Variants in POTEE observed in about 807,000 individuals in gnomAD.
POTEE encodes ANKRD26-like family C member 1A.
POTEE carries 21 observed loss-of-function variants against 74.2 expected under a neutral mutation model. The observed-to-expected ratio is 0.28, with a 90% CI of 0.20 to 0.41. POTEE has a LOEUF of 0.41. Among genes scored for constraint, POTEE ranks in the 10% least tolerant of loss-of-function variants. The pLI, the probability that POTEE is intolerant of heterozygous loss-of-function variation, is 1.00. For missense variants in POTEE, 525 were observed against 1,158.6 expected (o/e 0.45, Z 7.94); for synonymous variants, 211 against 432.8 (o/e 0.49, Z 6.36).
chr2:131,224,172 T>G, intron 6 of POTEE, 129 bp downstream of exon 6: 1 of 1,332,498 alleles, frequency 7.5e-7, no homozygotes, highest in Admixed American at 2.6e-5. Context: ...TGAAATGACC[T>G]AATTATCTAA....
At chr2:131,216,230 A>G (rs1189804329) in intron 2 of POTEE, among the ~76,000 whole-genome samples, 1 of 151,646 alleles carries the variant, frequency 6.6e-6, no homozygotes, top group Non-Finnish European at 1.5e-5. Context: ...TGTCAACTGA[A>G]AAAATTAATA....
rs753827162 is a variant in POTEE at position 131,263,970 on chromosome 2, G to A, written c.2515G>A (p.Val839Met). 46 of 1,614,058 alleles carry A rather than the reference G, an allele frequency of 2.8e-5. No homozygotes were observed. Among genetic ancestry groups the A allele is most frequent in the East Asian group, 2.2e-4 (10 of 44,872 alleles). Residue 839 changes from valine (V) to methionine (M), a missense_variant, in exon 18 of 18, where the codon GTG becomes ATG. Physicochemically the swap from Val to Met is conservative, Grantham distance 21 (BLOSUM62 1). Coordinates refer to ENST00000683005, the MANE Select transcript of POTEE (RefSeq NM_001083538.3). ...TPAMYVAIQA[V>M]PSLYTSGRTT... ...AGCCATGTACGTGGCCATCCAGGCCGTGCCGTCCCTGTACACCTCTGGCCG... is the reference window on the plus strand; with the variant it reads ...AGCCATGTACGTGGCCATCCAGGCCATGCCGTCCCTGTACACCTCTGGCCG...
intron 8 of POTEE, 33 bp from the exon 9 acceptor site, chr2:131,230,803 T>C: frequency 6.4e-7 from 1 of 1,562,166 alleles, no homozygotes; most frequent in Non-Finnish European, 8.7e-7. Context: ...AGTATTAAAA[T>C]AGTAATTTGG....
At chr2:131,210,029 G>T (rs1438707842) in intron 1 of POTEE, among the ~76,000 whole-genome samples, 1 of 86,128 alleles carries the variant, frequency 1.2e-5, no homozygotes, top group South Asian at 4.5e-4. Context: ...GGGGAGGCAG[G>T]TTGTGTGCAC....
At chr2:131,211,544 T>G (rs1337673393) in intron 2 of POTEE, among the ~76,000 whole-genome samples, 105 of 10,610 alleles carry the variant, frequency 9.9e-3, no homozygotes, top group Middle Eastern at 0.036. Flanking sequence ...GTGTGTGGCT[T>G]TTTTTTTTTT....
rs780143512 is a variant in POTEE, at chr2:131,218,781, G to A, written c.379G>A (p.Ala127Thr). 5 of 1,612,796 alleles carry A rather than the reference G, an allele frequency of 3.1e-6. No homozygotes were observed. The highest frequency in any genetic ancestry group is 2.0e-4 in the Middle Eastern group (1 of 5,088). The change falls in exon 4 of 18, where the codon GCC becomes ACC. Residue 127 changes from alanine (A) to threonine (T), a missense_variant. Transcript: ENST00000683005. ...VGAWGDYDDSAFMEPRYHVRG... is the reference protein window; with the variant it reads ...VGAWGDYDDSTFMEPRYHVRG... ...CGCTTGGGGAGACTACGATGACAGC[G>A]CCTTCATGGAGCCCAGGTACCACGT...
intron 4 of POTEE, among the ~76,000 whole-genome samples, chr2:131,221,460 T>C (rs1389253736): frequency 2.6e-5 from 4 of 152,136 alleles, no homozygotes; most frequent in Admixed American, 1.3e-4. Flanking sequence ...GTGAAGTTTT[T>C]CCCTTTCTCT....
At chr2:131,225,315 G>A (rs1700747502) in intron 6 of POTEE, among the ~76,000 whole-genome samples, 1 of 152,202 alleles carries the variant, frequency 6.6e-6, no homozygotes, top group African/African-American at 2.4e-5. Flanking sequence ...AGGCTGAGGT[G>A]GGAGGATTGC....
chr2:131,211,520 C>CTGTGTGTGTGTGTGTGTGTGTGTGTGTG lies in POTEE; in HGVS notation c.-189+357_-189+358insTGTGTGTGTGTGTGTGTGTGTGTGTGTG, dbSNP rs369206786. On this transcript the variant is annotated intron_variant, in intron 2 of 17. Coordinates refer to ENST00000683005, the MANE Select transcript of POTEE (RefSeq NM_001083538.3). ...ATTCTTAACAAAATTTAGGGGGTGA[C>CTGTGTGTGTGTGTGTGTGTGTGTGTGTG]TGTGTGTGTGTGTGTGTGTGGCTTT... 9.7e-4 allele frequency among the ~76,000 whole-genome samples: 49 copies of CTGTGTGTGTGTGTGTGTGTGTGTGTGTG among 50,264 alleles called. 4 individuals carry two copies. The highest frequency in any genetic ancestry group is 1.5e-3 in the Admixed American group (4 of 2,664). 33.0% of individuals were successfully genotyped at this position (50,264 alleles called of 152,430 possible).
Position 131,211,069 on chromosome 2 carries a change from G to A in POTEE, c.-303G>A, listed in dbSNP as rs1264712636. On this transcript the variant is annotated 5_prime_UTR_variant, in exon 2 of 18. It introduces an in-frame stop codon into an upstream open reading frame of the 5' UTR. Coordinates refer to ENST00000683005, the MANE Select transcript of POTEE (RefSeq NM_001083538.3). ...CGGTCTAGCTGCTCCAAGCCAGGCT[G>A]GAGGAGGAGGAGAAGGAATCACCTG... Among the ~76,000 whole-genome samples the A allele has an allele frequency of 6.6e-6, 1 of 151,010 alleles. No homozygotes were observed. Among genetic ancestry groups the A allele is most frequent in the Admixed American group, 6.6e-5 (1 of 15,244 alleles).
chr2:131,239,821 C>T (rs1333828888), intron 12 of POTEE, among the ~76,000 whole-genome samples: 39 of 152,200 alleles, frequency 2.6e-4, no homozygotes, highest in African/African-American at 8.0e-4. Flanking sequence ...TGGTCGTCTC[C>T]CTCCCGCGAC....
chr2:131,218,005 G>T (rs2105064364), intron 3 of POTEE: 1 of 288,324 alleles, frequency 3.5e-6, no homozygotes, highest in African/African-American at 2.3e-5. Context: ...GGCTTGGCTT[G>T]GCGTTGGTAG....
At chr2:131,217,880 C>T (rs1423783658) in intron 3 of POTEE, among the ~76,000 whole-genome samples, 197 bp downstream of exon 3, 3 of 149,290 alleles carry the variant, frequency 2.0e-5, no homozygotes, top group African/African-American at 5.0e-5. Context: ...GGCTTGCACG[C>T]GCACGCCGCA....
At chr2:131,225,160 G>A (rs1432516329) in intron 6 of POTEE, among the ~76,000 whole-genome samples, 1 of 152,092 alleles carries the variant, frequency 6.6e-6, no homozygotes, top group Non-Finnish European at 1.5e-5. Flanking sequence ...AGTAACCTGA[G>A]GAAAATGTTT....
intron 12 of POTEE, among the ~76,000 whole-genome samples, chr2:131,243,208 G>C (rs2105111114): frequency 6.6e-6 from 1 of 152,208 alleles, no homozygotes; most frequent in South Asian, 2.1e-4. Context: ...CATCAACGCT[G>C]TTAACCTTAT....
intron 8 of POTEE, among the ~76,000 whole-genome samples, chr2:131,228,797 G>A (rs1700859038): frequency 6.8e-6 from 1 of 146,678 alleles, no homozygotes; most frequent in East Asian, 1.9e-4. Flanking sequence ...AACCGAAGGA[G>A]TTCACTAAAT....
chr2:131,261,295 GGTT>G (rs2105139153), intron 16 of POTEE, among the ~76,000 whole-genome samples: 1 of 133,344 alleles, frequency 7.5e-6, no homozygotes, highest in East Asian at 2.4e-4. Context: ...GGGGGATATA[GGTT>G]GTTCACTCCT....
intron 8 of POTEE, among the ~76,000 whole-genome samples, chr2:131,229,008 A>C (rs1397245645): frequency 6.7e-6 from 1 of 149,434 alleles, no homozygotes; most frequent in East Asian, 1.9e-4. Context: ...TAATTCCCAT[A>C]CCTATGCTTA....
chr2:131,217,562 T>G (rs1700471114), intron 2 of POTEE, among the ~76,000 whole-genome samples, 27 bp from the exon 3 acceptor site: 1 of 149,558 alleles, frequency 6.7e-6, no homozygotes, highest in South Asian at 2.1e-4. Context: ...CAGTCCTCCT[T>G]TAAGAGGCTT....
Sources: allele counts gnomAD v4.1 joint callset (sites outside exome capture counted in the v4.1 genomes callset), GRCh38; gene constraint gnomAD v4.1.1; transcripts MANE v1.5; gene names NCBI Gene and HGNC (gene_info 2026-07-23, HGNC 2026-07-21).